The following CHM variants were observed in gnomAD, a reference collection of about 807,000 sequenced individuals.
CHM encodes the protein CHM Rab escort protein, also known as rab proteins geranylgeranyltransferase component A 1.
Under a neutral mutation model 49.0 loss-of-function variants are expected in CHM, and 10 were observed. That is an observed-to-expected ratio of 0.20 (90% CI 0.13 to 0.35). The LOEUF (loss-of-function observed/expected upper bound fraction) is 0.35, where lower values mean the gene tolerates loss of function less well. Ranked by LOEUF, CHM falls within the 10% of genes least tolerant of loss-of-function variation. The pLI, the probability that CHM is intolerant of heterozygous loss-of-function variation, is 1.00. For synonymous variants in CHM, 184 were observed against 167.5 expected, an observed-to-expected ratio of 1.10 and a Z score of -0.76; for missense variants, 455 against 478.4, an observed-to-expected ratio of 0.95 and a Z score of 0.46.
intron 2 of CHM, 104 bp from the exon 3 acceptor site, chrX:85,981,913 T>A: frequency 1.6e-6 from 1 of 639,558 alleles, no homozygotes; most frequent in Non-Finnish European, 2.4e-6. Context: ...TTACTTCACT[T>A]TTTAATATTA....
intron 5 of CHM, 89 bp from the exon 6 acceptor site, chrX:85,959,066 T>G: frequency 1.9e-6 from 2 of 1,051,171 alleles, no homozygotes; most frequent in Admixed American, 2.4e-5. Flanking sequence ...CTATATTTTT[T>G]ATTATTTGTA....
intron 8 of CHM, among the ~76,000 whole-genome samples, chrX:85,911,573 C>G (rs751924018): frequency 5.6e-4 from 61 of 108,949 alleles, no homozygotes; most frequent in African/African-American, 1.9e-3. Flanking sequence ...GAACTGTGAG[C>G]AAACCAGAAG....
chrX:86,036,072 C>T (rs948812507), intron 1 of CHM, among the ~76,000 whole-genome samples: 14 of 110,760 alleles, frequency 1.3e-4, no homozygotes, highest in Non-Finnish European at 2.3e-4. Context: ...AGATTACAGG[C>T]GTGAGACACC....
intron 2 of CHM, among the ~76,000 whole-genome samples, chrX:85,996,494 C>T (rs182550906): frequency 3.4e-4 from 38 of 111,669 alleles, no homozygotes; most frequent in African/African-American, 1.1e-3. Flanking sequence ...GAAAATAATG[C>T]TGGCTCCCTG....
In CHM at chrX:85,963,850, C is replaced by T. The variant is rs1569229081; in HGVS notation, c.517G>A (p.Glu173Lys). The T allele has an allele frequency of 8.3e-7, 1 of 1,211,392 alleles. No individual in the cohort carries two copies. The highest frequency in any genetic ancestry group is 3.0e-5 in the East Asian group (1 of 33,832). ...TGGTTTTCTTTTTCCCCTGTCACTT[C>T]AGCACCATTTACTTCTAGCGCATTC... is the stretch of plus-strand genomic sequence containing the variant. ...PENALEVNGAEVTGEKENHCD... is the reference protein window; with the variant it reads ...PENALEVNGAKVTGEKENHCD... The change falls in exon 5 of 15, where the codon GAA becomes AAA. Residue 173 changes from glutamate to lysine, a missense_variant. Coordinates refer to ENST00000357749, the MANE Select transcript of CHM (RefSeq NM_000390.4).
At position 85,978,825 on chromosome X, in the gene CHM, T is replaced by C. The variant is rs1213995486; in HGVS notation, c.256A>G (p.Ile86Val). 8.3e-7 allele frequency: 1 copy of C among 1,205,747 alleles called. No homozygotes were observed. Among genetic ancestry groups the C allele is most frequent in the Non-Finnish European group, 1.1e-6 (1 of 890,453 alleles). The change falls in exon 4 of 15, where the codon ATT (isoleucine) becomes GTT (valine). Residue 86 changes from isoleucine to valine, a missense_variant. By Grantham distance (29) the Ile-to-Val change is conservative. Transcript: ENST00000357749. Reference sequence around the variant, plus strand: ...GTTTTGTCCTTCCTGCTAAGAGCAATGGCTTCTTCATTTTCAAGGATCTGG... The same window carrying C: ...GTTTTGTCCTTCCTGCTAAGAGCAACGGCTTCTTCATTTTCAAGGATCTGG... ...QDQILENEEA[I>V]ALSRKDKTIQ...
chrX:85,899,680 A>AC (rs374034736), intron 11 of CHM, among the ~76,000 whole-genome samples: 1,181 of 49,363 alleles, frequency 0.024, 10 homozygotes, highest in African/African-American at 0.028. Context: ...CTCTAAACCC[A>AC]CCCCCCGCCC....
intron 2 of CHM, among the ~76,000 whole-genome samples, chrX:86,026,188 C>T (rs991567602): frequency 2.4e-5 from 2 of 84,288 alleles, no homozygotes; most frequent in South Asian, 8.4e-4. Context: ...AGTGCAATCT[C>T]GGCTTACTGC....
intron 9 of CHM, among the ~76,000 whole-genome samples, chrX:85,907,220 A>G (rs1343359488): frequency 8.9e-6 from 1 of 112,618 alleles, no homozygotes; most frequent in Non-Finnish European, 1.9e-5. Flanking sequence ...TATTCCTGAC[A>G]TCAAGAAAGA....
intron 14 of CHM, among the ~76,000 whole-genome samples, chrX:85,868,018 A>AGT (rs1569391025): frequency 1.0e-3 from 87 of 87,180 alleles, no homozygotes; most frequent in African/African-American, 3.2e-3. Flanking sequence ...AATAGTTACC[A>AGT]CTGTGTGTGT....
Position 85,981,820 on chromosome X carries a change from T to TAAA in CHM, c.117-14_117-12dup, listed in dbSNP as rs372213887. The TAAA allele has an allele frequency of 5.1e-4, 484 of 943,306 alleles. No individual in the cohort carries two copies. The highest frequency in any genetic ancestry group is 5.8e-4 in the Non-Finnish European group (409 of 705,822). 77.7% of individuals were successfully genotyped at this position (943,306 alleles called of 1,213,427 possible). On this transcript the variant is annotated splice_polypyrimidine_tract_variant and intron_variant, in intron 2 of 14. Transcript: ENST00000357749. ...CCATAGTAGCTTCTTCTGTAACAAT[T>TAAA]AAAAAAAAAAAAAAAAGTAAAGAAA...
At chrX:85,984,096 G>A (rs1238600408) in intron 2 of CHM, among the ~76,000 whole-genome samples, 1 of 110,484 alleles carries the variant, frequency 9.1e-6, no homozygotes, top group Non-Finnish European at 1.9e-5. Flanking sequence ...CAGCTACTCA[G>A]GAGGCTGAGG....
At chrX:85,890,934 C>G (rs1426988720) in intron 12 of CHM, among the ~76,000 whole-genome samples, 2 of 111,485 alleles carry the variant, frequency 1.8e-5, no homozygotes, top group Non-Finnish European at 3.8e-5. Context: ...GTGATATGAA[C>G]AGTAAGGTCC....
chrX:86,021,558 A>C (rs1359979319), intron 2 of CHM, among the ~76,000 whole-genome samples: 1 of 110,834 alleles, frequency 9.0e-6, no homozygotes, highest in Non-Finnish European at 1.9e-5. Flanking sequence ...AATAAAGCCA[A>C]AGAATAGGAA....
chrX:85,912,373 C>A (rs182834493), intron 8 of CHM, among the ~76,000 whole-genome samples: 39 of 111,177 alleles, frequency 3.5e-4, no homozygotes, highest in Middle Eastern at 4.7e-3. Flanking sequence ...AATTATACAA[C>A]ACATGAGGAA....
intron 8 of CHM, among the ~76,000 whole-genome samples, chrX:85,932,952 G>C (rs948987734): frequency 2.7e-5 from 3 of 111,911 alleles, no homozygotes; most frequent in African/African-American, 9.7e-5. Flanking sequence ...TGGCAGTTAA[G>C]TGTTGATTAT....
intron 13 of CHM, among the ~76,000 whole-genome samples, chrX:85,877,205 T>C (rs1924469910): frequency 8.9e-6 from 1 of 111,833 alleles, no homozygotes; most frequent in South Asian, 3.7e-4. Context: ...ACTAAAATAA[T>C]TTAATTTGTA....
Position 85,901,123 on chromosome X carries a change from C to T in CHM, c.1310G>A (p.Ser437Asn), listed in dbSNP as rs1437193750. The part of the protein sequence containing the change: ...IISEHFLVED[S>N]YFPENMCSRV... The stretch of plus-strand genomic sequence containing the variant: ...TGAGCACATGTTCTCAGGAAAGTAA[C>T]TGTCCTCCACGAGGAAATGCTCAGA... The change falls in exon 10 of 15, where the codon AGT (serine) becomes AAT (asparagine). Residue 437 changes from serine to asparagine, a missense_variant. Transcript: ENST00000357749. 8.3e-7 allele frequency: 1 copy of T among 1,204,583 alleles called. No homozygotes were observed. The highest frequency in any genetic ancestry group is 1.1e-6 in the Non-Finnish European group (1 of 891,058).
chrX:85,959,336 A>T (rs958937241), intron 5 of CHM, among the ~76,000 whole-genome samples: 35 of 110,867 alleles, frequency 3.2e-4, no homozygotes, highest in African/African-American at 1.1e-3. Context: ...AATTTAACCT[A>T]ACATATAACA....
Sources: allele counts gnomAD v4.1 joint callset (sites outside exome capture counted in the v4.1 genomes callset), GRCh38; gene constraint gnomAD v4.1.1; transcripts MANE v1.5; gene names NCBI Gene and HGNC (gene_info 2026-07-23, HGNC 2026-07-21).